GALNTL6: variants seen among roughly 807,000 people sequenced by gnomAD.
The protein encoded by GALNTL6 is polypeptide N-acetylgalactosaminyltransferase-like 6.
A neutral mutation model predicts 73.7 loss-of-function variants in GALNTL6; 46 were observed. The ratio of observed to expected loss-of-function variants is 0.62; its 90% confidence interval spans 0.49 to 0.80. The LOEUF (loss-of-function observed/expected upper bound fraction) is 0.80. GALNTL6 is among the 30% of genes least tolerant of loss of function. GALNTL6 has a pLI of 0.00. For synonymous variants in GALNTL6, 259 were observed against 263.7 expected (o/e 0.98, Z 0.17); for missense variants, 604 against 755.0 (o/e 0.80, Z 2.34).
At chr4:172,217,857 T>A (rs940247169) in intron 2 of GALNTL6, among the ~76,000 whole-genome samples, 1 of 152,144 alleles carries the variant, frequency 6.6e-6, no homozygotes, top group African/African-American at 2.4e-5. Context: ...GGTTTTGTTT[T>A]TCTGGGGAAA....
intron 2 of GALNTL6, among the ~76,000 whole-genome samples, chr4:172,139,874 A>C (rs1733756981): frequency 6.6e-6 from 1 of 152,168 alleles, no homozygotes; most frequent in Non-Finnish European, 1.5e-5. Context: ...ATTACTCAGA[A>C]ATATTGCATT....
At chr4:172,341,683 A>G (rs1000494076) in intron 4 of GALNTL6, among the ~76,000 whole-genome samples, 2 of 152,102 alleles carry the variant, frequency 1.3e-5, no homozygotes, top group African/African-American at 4.8e-5. Flanking sequence ...TTCTCTGCAC[A>G]GGCTCTCCTT....
Position 172,668,933 on chromosome 4 carries a change from G to C in GALNTL6, c.554-140428G>C, listed in dbSNP as rs569708237. The C allele has an allele frequency of 3.9e-5, 6 of 152,158 alleles. No individual in the cohort carries two copies. The East Asian group carries it at 1.2e-3, about 29-fold the overall frequency. The allele number at this position is 152,158 out of a possible 1,614,324, so 9.4% of individuals were successfully genotyped here. A position where few individuals can be genotyped will look rare whatever the true frequency, so the allele number is the denominator to read the frequency against. On this transcript the variant is annotated intron_variant, in intron 5 of 12. Transcript: ENST00000506823. ...AAGGTTGCAGTTCAGCCAAAAGAGG[G>C]CTGAAGTACTGAACTTGAAAACTCT...
chr4:172,972,901 A>T (rs1750647003), intron 10 of GALNTL6, among the ~76,000 whole-genome samples: 2 of 152,150 alleles, frequency 1.3e-5, no homozygotes. Flanking sequence ...AGAAAGAAAA[A>T]TAAAATAAAA....
At position 173,028,965 on chromosome 4, in the gene GALNTL6, G is replaced by C. The variant is rs190992084; in HGVS notation, c.1638+7340G>C. On this transcript the variant is annotated intron_variant, in intron 12 of 12. Transcript: ENST00000506823. ...TGAGTGGGTGGAATTTTTGGCATCT[G>C]CCTACATTTGACTATTTGTTGTTAA... Among the ~76,000 whole-genome samples the C allele has an allele frequency of 1.4e-3, 207 of 152,256 alleles. 1 individual carries two copies. The highest frequency in any genetic ancestry group is 4.7e-3 in the African/African-American group (197 of 41,560).
chr4:171,976,639 A>T (rs916360702), intron 2 of GALNTL6, among the ~76,000 whole-genome samples: 1 of 152,210 alleles, frequency 6.6e-6, no homozygotes, highest in Admixed American at 6.5e-5. Flanking sequence ...GGTTATGGTG[A>T]CTGCATTAGG....
At chr4:172,990,096 T>A (rs1751473890) in intron 10 of GALNTL6, among the ~76,000 whole-genome samples, 1 of 152,244 alleles carries the variant, frequency 6.6e-6, no homozygotes, top group Non-Finnish European at 1.5e-5. Flanking sequence ...GGGGCTTTTA[T>A]TGGCTCTATA....
At chr4:171,873,979 G>A (rs1578930553) in intron 2 of GALNTL6, among the ~76,000 whole-genome samples, 1 of 152,128 alleles carries the variant, frequency 6.6e-6, no homozygotes, top group African/African-American at 2.4e-5. Flanking sequence ...GTTTAGCCAG[G>A]CTTAGGAAAA....
At chr4:172,713,578 T>C (rs1422661320) in intron 5 of GALNTL6, among the ~76,000 whole-genome samples, 1 of 152,168 alleles carries the variant, frequency 6.6e-6, no homozygotes, top group Non-Finnish European at 1.5e-5. Flanking sequence ...CTGTGGTCAC[T>C]GTGGCCCAAA....
At chr4:172,472,374 A>T (rs913021508) in intron 5 of GALNTL6, among the ~76,000 whole-genome samples, 2 of 152,204 alleles carry the variant, frequency 1.3e-5, no homozygotes, top group Non-Finnish European at 2.9e-5. Context: ...TAGTTAGTAC[A>T]TTGTACATCT....
rs1345096942 is a variant in GALNTL6, at chr4:172,217,761, G to A, written c.139-11895G>A. On this transcript the variant is annotated intron_variant, in intron 2 of 12. Coordinates refer to ENST00000506823, the MANE Select transcript of GALNTL6 (RefSeq NM_001034845.3). The stretch of plus-strand genomic sequence containing the variant: ...CAAAATTTTGTCCTATATGAATATA[G>A]TTGTTATGCTTGATTTGTCTCGTCA... Among the ~76,000 whole-genome samples, 6 of 152,078 alleles carry A rather than the reference G, an allele frequency of 3.9e-5. No homozygotes were observed. The East Asian group carries it at 7.7e-4, about 20-fold the overall frequency.
chr4:172,610,909 T>C (rs1375249538), intron 5 of GALNTL6, among the ~76,000 whole-genome samples: 1 of 152,150 alleles, frequency 6.6e-6, no homozygotes. Flanking sequence ...TTGGGTATTC[T>C]TGTTGAATTA....
intron 2 of GALNTL6, among the ~76,000 whole-genome samples, chr4:172,218,911 A>T (rs537396586): frequency 9.2e-5 from 14 of 151,954 alleles, no homozygotes; most frequent in Admixed American, 5.9e-4. Flanking sequence ...TTTGTTAAGT[A>T]ATAATAAATA....
intron 2 of GALNTL6, among the ~76,000 whole-genome samples, chr4:171,868,300 T>C (rs1440107155): frequency 6.6e-6 from 1 of 152,216 alleles, no homozygotes; most frequent in Non-Finnish European, 1.5e-5. Flanking sequence ...TGCTGAATTC[T>C]CTGCATTTCC....
intron 2 of GALNTL6, among the ~76,000 whole-genome samples, chr4:171,907,049 G>A (rs1301383294): frequency 1.3e-5 from 2 of 152,136 alleles, no homozygotes; most frequent in Admixed American, 6.5e-5. Context: ...TACTGAATGG[G>A]CAAAAACTGG....
intron 9 of GALNTL6, among the ~76,000 whole-genome samples, chr4:172,934,663 G>T (rs965934346): frequency 6.6e-6 from 1 of 152,134 alleles, no homozygotes; most frequent in African/African-American, 2.4e-5. Flanking sequence ...GTGGTGTCTT[G>T]CCACAAGGAA....
intron 3 of GALNTL6, among the ~76,000 whole-genome samples, chr4:172,257,904 C>T (rs1738137633): frequency 6.6e-6 from 1 of 151,216 alleles, no homozygotes; most frequent in Non-Finnish European, 1.5e-5. Context: ...CGTAAGGTAT[C>T]TTCATATAGT....
chr4:172,927,353 G>A (rs151030649), intron 8 of GALNTL6, among the ~76,000 whole-genome samples: 26 of 152,226 alleles, frequency 1.7e-4, no homozygotes, highest in African/African-American at 4.6e-4. Flanking sequence ...TCTGTATCCC[G>A]TACAATAGAA....
At chr4:172,280,633 T>G (rs1461558739) in intron 3 of GALNTL6, among the ~76,000 whole-genome samples, 1 of 152,032 alleles carries the variant, frequency 6.6e-6, no homozygotes, top group Non-Finnish European at 1.5e-5. Flanking sequence ...AAATGTAAGT[T>G]TTTGCATCAT....
Sources: gnomAD v4.1 joint callset for allele counts (sites outside exome capture counted in the v4.1 genomes callset) on GRCh38, gnomAD v4.1.1 for gene constraint, MANE v1.5 for transcripts, NCBI Gene and HGNC (gene_info 2026-07-23, HGNC 2026-07-21) for gene names.